Variants in EPG5 observed in about 807,000 individuals in gnomAD.
EPG5 encodes the protein ectopic P granules protein 5 homolog.
In EPG5, 159 loss-of-function variants were observed where a neutral mutation model predicts 302.7. That is an observed-to-expected ratio of 0.53 (90% CI 0.46 to 0.60). The LOEUF is 0.60. EPG5 is among the 20% of genes least tolerant of loss of function. EPG5 has a pLI of 0.00. For missense variants in EPG5, 2,896 were observed against 3,092.4 expected (o/e 0.94, Z 1.51); for synonymous variants, 1,158 against 1,136.8 (o/e 1.02, Z -0.37).
rs778043097 is a variant in EPG5, at chr18:45,915,625, C to T, written c.3583-4G>A. On this transcript the variant is annotated splice_region_variant and splice_polypyrimidine_tract_variant and intron_variant, in intron 19 of 43. Transcript: ENST00000282041. Reference sequence around the variant, plus strand: ...CACAGTGGTAACCCAAGGCATTCTACACCGGGAGATGTGGAGCAGAGAGAG... The same window carrying T: ...CACAGTGGTAACCCAAGGCATTCTATACCGGGAGATGTGGAGCAGAGAGAG... The T allele has an allele frequency of 1.2e-6, 2 of 1,610,286 alleles. No individual in the cohort carries two copies. Among genetic ancestry groups the T allele is most frequent in the Middle Eastern group, 1.7e-4 (1 of 6,056 alleles).
chr18:45,953,436 T>G, intron 2 of EPG5: 1 of 985,344 alleles, frequency 1.0e-6, no homozygotes, highest in Non-Finnish European at 1.2e-6. Flanking sequence ...ATTTCCCTCC[T>G]TACTATGTAC....
intron 2 of EPG5, 46 bp from the exon 3 acceptor site, chr18:45,952,689 C>A: frequency 6.3e-7 from 1 of 1,599,412 alleles, no homozygotes; most frequent in South Asian, 1.1e-5. Flanking sequence ...TTACTCTTTC[C>A]ATTTGAAGTA....
At chr18:45,879,310 G>T in intron 32 of EPG5, 96 bp from the exon 33 acceptor site, 1 of 809,298 alleles carries the variant, frequency 1.2e-6, no homozygotes, top group Non-Finnish European at 1.9e-6. Flanking sequence ...GTAGGTCTTT[G>T]ACTTTATAAG....
the EPG5 span, among the ~76,000 whole-genome samples, chr18:45,803,556 G>T: frequency 1.3e-5 from 2 of 152,196 alleles, no homozygotes; most frequent in Admixed American, 6.5e-5. Flanking sequence ...TGAAGAACTG[G>T]CAGACAGAGT....
chr18:45,934,804 T>C lies in EPG5; in HGVS notation c.2257+5A>G, dbSNP rs1276628890. The C allele has an allele frequency of 6.8e-6, 11 of 1,609,554 alleles. No individual in the cohort carries two copies. Among genetic ancestry groups the C allele is most frequent in the Admixed American group, 1.7e-5 (1 of 58,594 alleles). On this transcript the variant is annotated splice_donor_5th_base_variant and intron_variant, in intron 11 of 43. Coordinates refer to ENST00000282041, the MANE Select transcript of EPG5 (RefSeq NM_020964.3). ...CTGGACGCCGACTGCTCGGCGGGGCTGTACCTTGGAGCTGCTGCTTGCACT... is the reference window on the plus strand; with the variant it reads ...CTGGACGCCGACTGCTCGGCGGGGCCGTACCTTGGAGCTGCTGCTTGCACT...
intron 42 of EPG5, chr18:45,857,652 G>GT (rs1251777981): frequency 1.5e-5 from 8 of 538,196 alleles, no homozygotes; most frequent in Non-Finnish European, 2.6e-5. Context: ...TTTTTTAAAG[G>GT]TAAGAAAAAA....
rs759032582 is a variant in EPG5, at chr18:45,944,133, C to CA, written c.1678-15dup. ...AGGGTCTTCATCCTAAGGGAAAAGA[C>CA]AAAAAATCATGTCAGCAGATTTGAT... On this transcript the variant is annotated splice_polypyrimidine_tract_variant and intron_variant, in intron 7 of 43. Coordinates refer to ENST00000282041, the MANE Select transcript of EPG5 (RefSeq NM_020964.3). 1 of 1,523,970 alleles carries CA rather than the reference C, an allele frequency of 6.6e-7. No homozygotes were observed. Among genetic ancestry groups the CA allele is most frequent in the Non-Finnish European group, 9.1e-7 (1 of 1,099,488 alleles). 94.4% of individuals were successfully genotyped at this position (1,523,970 alleles called of 1,614,324 possible).
At chr18:45,810,488 C>T in the EPG5 span, among the ~76,000 whole-genome samples, 1 of 152,142 alleles carries the variant, frequency 6.6e-6, no homozygotes, top group African/African-American at 2.4e-5. Context: ...TAACCAAAGC[C>T]AACAACATAT....
chr18:45,861,751 T>C (rs1204533407), intron 39 of EPG5, among the ~76,000 whole-genome samples: 1 of 152,232 alleles, frequency 6.6e-6, no homozygotes, highest in African/African-American at 2.4e-5. Flanking sequence ...TTCATGTTTA[T>C]TGGTGATCAG....
In EPG5 at chr18:45,943,111, T is replaced by C. The variant is rs750849418; in HGVS notation, c.1943+50A>G. ...TCATCCCAATTATGCAGTATCTGTG[T>C]CTGACCAGGGTGAAAGGAACAGAGA... is the stretch of plus-strand genomic sequence containing the variant. On this transcript the variant is annotated intron_variant, in intron 9 of 43. Coordinates refer to ENST00000282041, the MANE Select transcript of EPG5 (RefSeq NM_020964.3). 2.6e-5 allele frequency: 41 copies of C among 1,579,874 alleles called. No homozygotes were observed. In the East Asian group the frequency reaches 9.2e-4, roughly 35 times the overall value.
At chr18:45,807,014 T>C in the EPG5 span, among the ~76,000 whole-genome samples, 3 of 152,094 alleles carry the variant, frequency 2.0e-5, no homozygotes, top group Non-Finnish European at 1.5e-5. Flanking sequence ...ACAGACTCAG[T>C]GCTATTGGCA....
chr18:45,964,482 T>C (rs1018196705), intron 1 of EPG5, among the ~76,000 whole-genome samples: 2 of 152,230 alleles, frequency 1.3e-5, no homozygotes, highest in East Asian at 3.8e-4. Flanking sequence ...TTATGTGTTA[T>C]GCACTACTGC....
rs886854041 is a variant in EPG5 at position 45,910,418 on chromosome 18, G to A, written c.4205+103C>T. Reference sequence around the variant, plus strand: ...GCCACCTTCCATATTCAATCTAACCGTGTTAAGAGAATAACATCTAGCAGT... The same window carrying A: ...GCCACCTTCCATATTCAATCTAACCATGTTAAGAGAATAACATCTAGCAGT... On this transcript the variant is annotated intron_variant, in intron 23 of 43. Coordinates refer to ENST00000282041, the MANE Select transcript of EPG5 (RefSeq NM_020964.3). 9.2e-5 allele frequency: 76 copies of A among 825,512 alleles called. 1 individual carries two copies. In the East Asian group the frequency reaches 1.3e-3, roughly 15 times the overall value. The allele number at this position is 825,512 out of a possible 1,614,324, so 51.1% of individuals were successfully genotyped here.
intron 27 of EPG5, among the ~76,000 whole-genome samples, chr18:45,896,524 A>G (rs2049480136): frequency 6.6e-6 from 1 of 151,950 alleles, no homozygotes; most frequent in Non-Finnish European, 1.5e-5. Flanking sequence ...TCTTTCTTCA[A>G]GCTATATTAG....
the EPG5 span, among the ~76,000 whole-genome samples, chr18:45,818,029 A>G: frequency 1.3e-5 from 2 of 152,200 alleles, no homozygotes; most frequent in Non-Finnish European, 2.9e-5. Flanking sequence ...TTCTGTTAAC[A>G]TAAGTAAAAT....
intron 41 of EPG5, 119 bp from the exon 42 acceptor site, chr18:45,858,187 C>T (rs1220457088): frequency 1.3e-6 from 1 of 743,796 alleles, no homozygotes; most frequent in Non-Finnish European, 2.2e-6. Flanking sequence ...AAAGCACAGG[C>T]TAACGGCTGA....
chr18:45,945,858 C>G (rs7229144), intron 7 of EPG5, among the ~76,000 whole-genome samples: 314 of 152,264 alleles, frequency 2.1e-3, no homozygotes, highest in African/African-American at 7.1e-3. Context: ...AAGGGGGCTC[C>G]CTACTTCTGA....
chr18:45,899,852 C>G (rs540169373), intron 26 of EPG5, among the ~76,000 whole-genome samples: 1 of 152,202 alleles, frequency 6.6e-6, no homozygotes, highest in African/African-American at 2.4e-5. Flanking sequence ...ACAGACCCTA[C>G]AAGAACAACT....
Position 45,923,518 on chromosome 18 carries a change from C to T in EPG5, c.2719-131G>A, listed in dbSNP as rs565531975. 3 of 935,808 alleles carry T rather than the reference C, an allele frequency of 3.2e-6. No individual in the cohort carries two copies. The East Asian group carries it at 8.0e-5, about 25-fold the overall frequency. The allele number at this position is 935,808 out of a possible 1,614,324, so 58.0% of individuals were successfully genotyped here. On this transcript the variant is annotated intron_variant, in intron 14 of 43. Transcript: ENST00000282041. ...TAGAAGCTAAATGTTCCAAAAATCACATCCCACACAGTCAAACTATAAAAT... is the reference window on the plus strand; with the variant it reads ...TAGAAGCTAAATGTTCCAAAAATCATATCCCACACAGTCAAACTATAAAAT...
Sources: allele counts gnomAD v4.1 joint callset (sites outside exome capture counted in the v4.1 genomes callset), GRCh38; gene constraint gnomAD v4.1.1; transcripts MANE v1.5; gene names NCBI Gene and HGNC (gene_info 2026-07-23, HGNC 2026-07-21).